GUCY1A2: variants seen among roughly 807,000 people sequenced by gnomAD.
GUCY1A2 encodes the protein guanylate cyclase 1 soluble subunit alpha 2.
In GUCY1A2, 27 loss-of-function variants were observed where a neutral mutation model predicts 63.5. The ratio of observed to expected loss-of-function variants is 0.43; its 90% CI spans 0.31 to 0.59. The LOEUF is 0.59. GUCY1A2 is among the 20% of genes least tolerant of loss of function. The pLI is 0.11. For synonymous variants in GUCY1A2, 364 were observed against 343.5 expected, an observed-to-expected ratio of 1.06 and a Z score of -0.66; for missense variants, 768 against 913.3, an observed-to-expected ratio of 0.84 and a Z score of 2.05.
At position 106,681,949 on chromosome 11, in the gene GUCY1A2, C is replaced by T; in HGVS notation, c.*5600G>A. 1 of 212,820 alleles carries T rather than the reference C, an allele frequency of 4.7e-6. No homozygotes were observed. Among genetic ancestry groups the T allele is most frequent in the Non-Finnish European group, 9.5e-6 (1 of 105,462 alleles). The allele number at this position is 212,820 out of a possible 1,614,324, so 13.2% of individuals were successfully genotyped here. A position where few individuals can be genotyped will look rare whatever the true frequency, so the allele number is the denominator to read the frequency against. The stretch of plus-strand genomic sequence containing the variant: ...AAAATCAAAGCATTCAGAAGTAAGG[C>T]TGTCACTTTGATATTTGCTTCTGTG... On this transcript the variant is annotated 3_prime_UTR_variant, in exon 8 of 8. Transcript: ENST00000526355.
At chr11:106,776,965 TC>T (rs1244405253) in intron 5 of GUCY1A2, among the ~76,000 whole-genome samples, 4 of 151,956 alleles carry the variant, frequency 2.6e-5, no homozygotes, top group African/African-American at 9.7e-5. Context: ...AGCATTTTTT[TC>T]CCAGTTTTTC....
intron 4 of GUCY1A2, among the ~76,000 whole-genome samples, chr11:106,838,500 TTAAC>T (rs1471139652): frequency 2.0e-5 from 3 of 152,002 alleles, no homozygotes; most frequent in Non-Finnish European, 2.9e-5. Context: ...ATATCTACTG[TTAAC>T]TAATAACTAA....
At chr11:106,974,495 C>T (rs889036869) in intron 3 of GUCY1A2, among the ~76,000 whole-genome samples, 3 of 151,958 alleles carry the variant, frequency 2.0e-5, no homozygotes, top group Non-Finnish European at 4.4e-5. Context: ...TACAAGTTGA[C>T]ATATAAGCAA....
intron 4 of GUCY1A2, among the ~76,000 whole-genome samples, chr11:106,824,412 G>A (rs1173484448): frequency 5.3e-5 from 8 of 152,080 alleles, no homozygotes; most frequent in Non-Finnish European, 1.2e-4. Context: ...TTCTTGGAAT[G>A]GGAGGACTCT....
chr11:106,794,252 A>C (rs759320851), intron 5 of GUCY1A2, among the ~76,000 whole-genome samples: 1 of 152,154 alleles, frequency 6.6e-6, no homozygotes, highest in Non-Finnish European at 1.5e-5. Flanking sequence ...AGAAAGATAA[A>C]TACTATATGA....
At chr11:106,840,136 C>T (rs1303518937) in intron 4 of GUCY1A2, among the ~76,000 whole-genome samples, 1 of 151,892 alleles carries the variant, frequency 6.6e-6, no homozygotes, top group Non-Finnish European at 1.5e-5. Flanking sequence ...TCCATCTATA[C>T]ATTCACCTAA....
intron 3 of GUCY1A2, among the ~76,000 whole-genome samples, chr11:106,971,366 T>C (rs1565347373): frequency 6.6e-6 from 1 of 152,090 alleles, no homozygotes; most frequent in Non-Finnish European, 1.5e-5. Context: ...TAAGTAACCC[T>C]GGATATGAGT....
intron 3 of GUCY1A2, among the ~76,000 whole-genome samples, chr11:106,958,551 G>C (rs1861019574): frequency 6.6e-6 from 1 of 150,598 alleles, no homozygotes; most frequent in Non-Finnish European, 1.5e-5. Flanking sequence ...TTCTCATCTT[G>C]TATTTTTCAA....
At chr11:106,753,442 C>T (rs1030961699) in intron 6 of GUCY1A2, among the ~76,000 whole-genome samples, 6 of 152,038 alleles carry the variant, frequency 3.9e-5, no homozygotes, top group Admixed American at 6.6e-5. Context: ...TCTTTGCCCA[C>T]GCCTATGTCT....
chr11:106,751,754 T>A (rs1270274448), intron 6 of GUCY1A2, among the ~76,000 whole-genome samples: 1 of 152,126 alleles, frequency 6.6e-6, no homozygotes, highest in East Asian at 1.9e-4. Flanking sequence ...TAAAATAAAT[T>A]TCAGTTTATT....
In GUCY1A2 at chr11:106,708,605, C is replaced by T; in HGVS notation, c.1898G>A (p.Arg633His). ...GACATTATTTCCAAACAGGCAATAA[C>T]GTGGCATTCGCACCCCAACAACTCC... ...LAGVVGVRMP[R>H]YCLFGNNVTL... Residue 633 changes from arginine (R) to histidine (H), a missense_variant, in exon 7 of 8, where the codon CGT (arginine) becomes CAT (histidine). Physicochemically the swap from Arg to His is conservative, Grantham distance 29. Transcript: ENST00000526355. 4 of 1,612,310 alleles carry T rather than the reference C, an allele frequency of 2.5e-6. No individual in the cohort carries two copies. Among genetic ancestry groups the T allele is most frequent in the Non-Finnish European group, 3.4e-6 (4 of 1,178,948 alleles).
intron 5 of GUCY1A2, among the ~76,000 whole-genome samples, chr11:106,808,074 C>T (rs1337446428): frequency 6.6e-6 from 1 of 152,142 alleles, no homozygotes; most frequent in Admixed American, 6.6e-5. Context: ...AGTCAATACT[C>T]CTTAATAAAC....
At chr11:106,736,742 T>C (rs181850762) in intron 6 of GUCY1A2, among the ~76,000 whole-genome samples, 2 of 152,322 alleles carry the variant, frequency 1.3e-5, no homozygotes, top group Admixed American at 1.3e-4. Context: ...TTTAATAATA[T>C]TGATCCTTCC....
chr11:106,829,126 T>A (rs1251339659), intron 4 of GUCY1A2, among the ~76,000 whole-genome samples: 1 of 152,236 alleles, frequency 6.6e-6, no homozygotes, highest in African/African-American at 2.4e-5. Context: ...ATAATAATCT[T>A]CTGATTATCC....
At chr11:106,986,619 A>C (rs1222634204) in intron 1 of GUCY1A2, among the ~76,000 whole-genome samples, 2 of 152,222 alleles carry the variant, frequency 1.3e-5, no homozygotes, top group Non-Finnish European at 2.9e-5. Context: ...TTGAGTTAAA[A>C]GAGTCAACTT....
At chr11:107,011,957 T>G (rs1861752167) in intron 1 of GUCY1A2, among the ~76,000 whole-genome samples, 1 of 152,126 alleles carries the variant, frequency 6.6e-6, no homozygotes, top group South Asian at 2.1e-4. Flanking sequence ...ATGCTTGGAA[T>G]TCTTAGGCAA....
At chr11:106,797,599 C>T (rs1050484998) in intron 5 of GUCY1A2, among the ~76,000 whole-genome samples, 3 of 152,106 alleles carry the variant, frequency 2.0e-5, no homozygotes, top group Non-Finnish European at 4.4e-5. Flanking sequence ...AACTAGAACT[C>T]AGGATTAAGA....
chr11:106,705,561 T>G (rs1274968759), intron 7 of GUCY1A2, among the ~76,000 whole-genome samples: 2 of 152,112 alleles, frequency 1.3e-5, no homozygotes, highest in African/African-American at 4.8e-5. Flanking sequence ...AAAGTTAATA[T>G]ATAGAACATG....
intron 6 of GUCY1A2, among the ~76,000 whole-genome samples, chr11:106,775,990 GA>G (rs2135402139): frequency 6.6e-6 from 1 of 152,218 alleles, no homozygotes; most frequent in Non-Finnish European, 1.5e-5. Flanking sequence ...TCTGCCACAA[GA>G]AAAACTCCAG....
Sources: gnomAD v4.1 joint callset for allele counts (sites outside exome capture counted in the v4.1 genomes callset) on GRCh38, gnomAD v4.1.1 for gene constraint, MANE v1.5 for transcripts, NCBI Gene and HGNC (gene_info 2026-07-23, HGNC 2026-07-21) for gene names.